OR2AT4: variants seen among roughly 807,000 people sequenced by gnomAD.
OR2AT4 encodes the protein olfactory receptor 2AT4.
In OR2AT4, 6 loss-of-function variants were observed where a neutral mutation model predicts 10.3. The observed-to-expected ratio is 0.58, with a 90% CI of 0.32 to 1.15. The LOEUF (loss-of-function observed/expected upper bound fraction) is 1.15, where lower values mean the gene tolerates loss of function less well. Among genes scored for constraint, OR2AT4 ranks in the 50% most tolerant of loss-of-function variants. The probability of loss-of-function intolerance (pLI) is 0.05; values close to 1 mark genes in which losing one functional copy is unlikely to be tolerated. For synonymous variants in OR2AT4, 145 were observed against 159.1 expected (o/e 0.91, Z 0.67); for missense variants, 354 against 393.8 (o/e 0.90, Z 0.85).
chr11:75,089,239 G>A (rs141808868), exon 2 of OR2AT4: 77 of 1,614,120 alleles, frequency 4.8e-5, no homozygotes, highest in Middle Eastern at 1.6e-4. Flanking sequence ...ATGGGCAGGA[G>A]GAGGGCAGTT....
chr11:75,081,785 A>G (rs541406342), exon 2 of OR2AT4: 2 of 152,316 alleles, frequency 1.3e-5, no homozygotes, highest in African/African-American at 2.4e-5. Flanking sequence ...TAATAGCCAC[A>G]CACAAGCACA....
At chr11:75,091,253 C>T (rs1471999453) in intron 1 of OR2AT4, among the ~76,000 whole-genome samples, 2 of 152,140 alleles carry the variant, frequency 1.3e-5, no homozygotes, top group Admixed American at 6.5e-5. Flanking sequence ...AAATAATATT[C>T]GGTGCACAAC....
chr11:75,089,672 G>A (rs201772462), exon 2 of OR2AT4: 435 of 1,613,476 alleles, frequency 2.7e-4, no homozygotes, highest in Non-Finnish European at 3.5e-4. Context: ...GATAGAAGAC[G>A]GGTGAGCCAT....
At chr11:75,089,645 A>G (rs754236681) in exon 2 of OR2AT4, 1 of 1,613,966 alleles carries the variant, frequency 6.2e-7, no homozygotes, top group South Asian at 1.1e-5. Flanking sequence ...TCTCTGGCAG[A>G]GAGGGGATGC....
exon 2 of OR2AT4, chr11:75,082,528 C>T (rs1001556917): frequency 3.3e-5 from 5 of 152,026 alleles, no homozygotes; most frequent in African/African-American, 1.2e-4. Flanking sequence ...TGCACCCCTA[C>T]CTTTCACCAT....
At chr11:75,094,165 C>T (rs1949334801) in intron 1 of OR2AT4, among the ~76,000 whole-genome samples, 1 of 151,916 alleles carries the variant, frequency 6.6e-6, no homozygotes, top group South Asian at 2.1e-4. Context: ...ACAAAAAGAT[C>T]CAGGGCTTTC....
exon 2 of OR2AT4, chr11:75,084,581 G>T (rs1949281184): frequency 6.6e-6 from 1 of 151,992 alleles, no homozygotes; most frequent in African/African-American, 2.4e-5. Flanking sequence ...CATTCACCAA[G>T]GTAGGTCATA....
At chr11:75,093,810 C>CTTTTTTTTTTTTT (rs556380402) in intron 1 of OR2AT4, among the ~76,000 whole-genome samples, 30 of 61,834 alleles carry the variant, frequency 4.9e-4, no homozygotes, top group Non-Finnish European at 5.1e-4. Flanking sequence ...TTTTCTTTTT[C>CTTTTTTTTTTTTT]TTTTTTTTTT....
chr11:75,089,072 G>T (rs957623110), exon 2 of OR2AT4: 3 of 1,614,018 alleles, frequency 1.9e-6, no homozygotes, highest in Non-Finnish European at 1.7e-6. Context: ...GGAGAAGGGG[G>T]AGGAAGGACA....
exon 2 of OR2AT4, chr11:75,088,057 T>C (rs1784263984): frequency 6.6e-6 from 1 of 152,260 alleles, no homozygotes; most frequent in Admixed American, 6.5e-5. Flanking sequence ...AGCTTCCTTA[T>C]TTCCTTTTTA....
At chr11:75,086,818 T>C (rs993906118) in exon 2 of OR2AT4, 1 of 152,210 alleles carries the variant, frequency 6.6e-6, no homozygotes, top group Non-Finnish European at 1.5e-5. Context: ...TCATACAGAA[T>C]AGTTTCACTG....
chr11:75,096,566 G>A (rs1008678495), intron 1 of OR2AT4, among the ~76,000 whole-genome samples: 5 of 151,946 alleles, frequency 3.3e-5, no homozygotes, highest in South Asian at 2.1e-4. Context: ...TTCTCTTATC[G>A]TCATCAGCTT....
exon 2 of OR2AT4, chr11:75,084,055 T>C (rs1022227734): frequency 1.3e-5 from 2 of 151,932 alleles, no homozygotes; most frequent in African/African-American, 4.8e-5. Context: ...AATGAAATCA[T>C]GGATGCAGCT....
chr11:75,083,343 A>T (rs1591783523), exon 2 of OR2AT4: 4 of 152,306 alleles, frequency 2.6e-5, no homozygotes, highest in Admixed American at 2.6e-4. Flanking sequence ...CAAAACCATG[A>T]GATATTATCT....
chr11:75,093,406 C>T (rs142408718), intron 1 of OR2AT4, among the ~76,000 whole-genome samples: 91 of 152,330 alleles, frequency 6.0e-4, no homozygotes, highest in Non-Finnish European at 1.2e-3. Flanking sequence ...GCCATTGTTG[C>T]TAGAGAACAA....
rs146274800 is a variant in OR2AT4 at position 75,089,313 on chromosome 11, G to A, written c.401C>T (p.Pro134Leu). The A allele has an allele frequency of 2.2e-5, 36 of 1,614,154 alleles. No homozygotes were observed. The African/African-American group carries it at 3.1e-4, about 14-fold the overall frequency. Residue 134 changes from proline to leucine, a missense_variant, in exon 2 of 2, where the codon CCA becomes CTA. Transcript: ENST00000641504. ...GTTCATGAGGACAGGGTAGTGCAGT[G>A]GGTGGCAGATAGCCACATAGCGGTC...
exon 2 of OR2AT4, chr11:75,082,072 A>C (rs1949269471): frequency 6.6e-6 from 1 of 152,222 alleles, no homozygotes; most frequent in Non-Finnish European, 1.5e-5. Flanking sequence ...CAAATAGCCA[A>C]AGCAATCCTA....
At chr11:75,085,014 G>T (rs1477422883) in exon 2 of OR2AT4, 3 of 150,622 alleles carry the variant, frequency 2.0e-5, no homozygotes, top group Non-Finnish European at 3.0e-5. Flanking sequence ...GTATGTAGAA[G>T]GAAAAAAAAT....
exon 2 of OR2AT4, chr11:75,089,815 TATA>T: frequency 8.4e-7 from 1 of 1,187,288 alleles, no homozygotes; most frequent in East Asian, 2.3e-5. Context: ...GTGATAATGC[TATA>T]ATGTTTACTC....
Sources: allele counts gnomAD v4.1 joint callset (sites outside exome capture counted in the v4.1 genomes callset), GRCh38; gene constraint gnomAD v4.1.1; transcripts MANE v1.5; gene names NCBI Gene and HGNC (gene_info 2026-07-23, HGNC 2026-07-21).